Variants in MACROD2 observed in about 807,000 individuals in gnomAD.
MACROD2 encodes the protein mono-ADP ribosylhydrolase 2.
In MACROD2, 36 loss-of-function variants were observed where a neutral mutation model predicts 70.4. That is an observed-to-expected ratio of 0.51 (90% CI 0.39 to 0.68). The LOEUF (loss-of-function observed/expected upper bound fraction) is 0.68, where lower values mean the gene tolerates loss of function less well. MACROD2 is among the 30% of genes least tolerant of loss of function. The pLI is 0.00. For missense variants in MACROD2, 496 were observed against 538.4 expected (o/e 0.92, Z 0.78); for synonymous variants, 172 against 178.8 (o/e 0.96, Z 0.30).
At chr20:16,044,204 A>G (rs752579061) in intron 16 of MACROD2, among the ~76,000 whole-genome samples, 32 of 152,080 alleles carry the variant, frequency 2.1e-4, no homozygotes, top group Non-Finnish European at 1.6e-4. Flanking sequence ...AAGCAAGACT[A>G]GAAGCAACGT....
chr20:15,975,465 CA>C (rs879338411), intron 13 of MACROD2, among the ~76,000 whole-genome samples: 104 of 149,330 alleles, frequency 7.0e-4, no homozygotes, highest in African/African-American at 2.3e-3. Flanking sequence ...TGTTTAATGG[CA>C]AAAAAAAAGT....
chr20:15,698,492 C>T (rs970464823), intron 8 of MACROD2, among the ~76,000 whole-genome samples: 4 of 152,172 alleles, frequency 2.6e-5, no homozygotes, highest in Non-Finnish European at 5.9e-5. Flanking sequence ...GCTGCTGTCT[C>T]ACAGCTCTTA....
At chr20:15,619,466 G>C in intron 8 of MACROD2, 1 of 267,760 alleles carries the variant, frequency 3.7e-6, no homozygotes, top group Non-Finnish European at 7.8e-6. Flanking sequence ...ATCTGGCAGA[G>C]CCCCGGGCAG....
chr20:14,528,674 G>A (rs1014392693), intron 4 of MACROD2, among the ~76,000 whole-genome samples: 2 of 151,710 alleles, frequency 1.3e-5, no homozygotes, highest in African/African-American at 4.8e-5. Flanking sequence ...GGGTTGGGGG[G>A]GCCCAACATT....
chr20:15,010,768 T>C (rs911800103), intron 5 of MACROD2, among the ~76,000 whole-genome samples: 14 of 152,186 alleles, frequency 9.2e-5, no homozygotes, highest in African/African-American at 3.1e-4. Flanking sequence ...CTGTTGTTTG[T>C]TTTGTTTTGT....
intron 7 of MACROD2, among the ~76,000 whole-genome samples, chr20:15,474,130 G>A (rs1449161579): frequency 6.6e-6 from 1 of 152,180 alleles, no homozygotes; most frequent in Admixed American, 6.5e-5. Flanking sequence ...TAAGGCAATT[G>A]AAAACTCTTA....
chr20:15,022,180 A>T (rs964123715), intron 5 of MACROD2, among the ~76,000 whole-genome samples: 8 of 152,060 alleles, frequency 5.3e-5, no homozygotes, highest in African/African-American at 1.9e-4. Context: ...GTTAGCAATT[A>T]TGAAGCTATT....
intron 5 of MACROD2, among the ~76,000 whole-genome samples, chr20:15,034,303 T>C (rs1351845556): frequency 6.6e-6 from 1 of 152,210 alleles, no homozygotes; most frequent in East Asian, 1.9e-4. Context: ...GAGTGTATGG[T>C]ATCATTTTTA....
chr20:15,874,943 G>A (rs1475711188), intron 9 of MACROD2, among the ~76,000 whole-genome samples: 2 of 152,134 alleles, frequency 1.3e-5, no homozygotes, highest in Admixed American at 6.6e-5. Flanking sequence ...AAAATTGAAA[G>A]AGGAAAGCAG....
chr20:14,744,122 G>C (rs1323207023), intron 5 of MACROD2, among the ~76,000 whole-genome samples: 2 of 152,146 alleles, frequency 1.3e-5, no homozygotes, highest in African/African-American at 4.8e-5. Context: ...ATAAATTCGT[G>C]TTGTTTTAAG....
chr20:15,735,183 A>G (rs1232195125), intron 8 of MACROD2, among the ~76,000 whole-genome samples: 1 of 151,492 alleles, frequency 6.6e-6, no homozygotes, highest in Non-Finnish European at 1.5e-5. Flanking sequence ...CTGTCCTTGA[A>G]CTCTTGACCT....
chr20:15,229,392 A>G (rs2076940186), intron 5 of MACROD2, among the ~76,000 whole-genome samples: 1 of 152,226 alleles, frequency 6.6e-6, no homozygotes, highest in Non-Finnish European at 1.5e-5. Context: ...CTATACTTCA[A>G]AATTGGCAGG....
chr20:15,936,665 A>ATG (rs1232616394), intron 11 of MACROD2, among the ~76,000 whole-genome samples: 1,313 of 38,662 alleles, frequency 0.034, 28 homozygotes, highest in African/African-American at 0.061. Context: ...TAATGTGTAT[A>ATG]TGTGTGTATA....
chr20:15,827,386 TAAAG>T (rs1215656407), intron 8 of MACROD2, among the ~76,000 whole-genome samples: 2 of 152,198 alleles, frequency 1.3e-5, no homozygotes, highest in South Asian at 2.1e-4. Context: ...ACACACCTGT[TAAAG>T]AAACAAAATA....
At chr20:15,175,659 CAGAG>C (rs1369757139) in intron 5 of MACROD2, among the ~76,000 whole-genome samples, 1 of 152,068 alleles carries the variant, frequency 6.6e-6, no homozygotes, top group African/African-American at 2.4e-5. Flanking sequence ...ATAGAAATTT[CAGAG>C]AGAGAATTCA....
At chr20:14,612,697 G>A (rs866577703) in intron 4 of MACROD2, among the ~76,000 whole-genome samples, 1 of 151,930 alleles carries the variant, frequency 6.6e-6, no homozygotes, top group Non-Finnish European at 1.5e-5. Context: ...CTATGAGGTC[G>A]GACCTCCCTA....
At chr20:14,507,527 A>G (rs1004807504) in intron 4 of MACROD2, among the ~76,000 whole-genome samples, 2 of 152,174 alleles carry the variant, frequency 1.3e-5, no homozygotes, top group Non-Finnish European at 2.9e-5. Flanking sequence ...GGCCAAGTTA[A>G]TGTTATTTAT....
At chr20:14,288,420 CT>C (rs768080647) in intron 3 of MACROD2, among the ~76,000 whole-genome samples, 6 of 152,106 alleles carry the variant, frequency 3.9e-5, no homozygotes, top group Non-Finnish European at 7.4e-5. Context: ...GAAAAATAAA[CT>C]TTTATTTTGC....
intron 12 of MACROD2, among the ~76,000 whole-genome samples, chr20:15,958,554 C>T (rs2066011287): frequency 6.6e-6 from 1 of 152,134 alleles, no homozygotes; most frequent in African/African-American, 2.4e-5. Context: ...CAAATCTATT[C>T]TGAGGCCTTC....
Sources: allele counts gnomAD v4.1 joint callset (sites outside exome capture counted in the v4.1 genomes callset), GRCh38; gene constraint gnomAD v4.1.1; transcripts MANE v1.5; gene names NCBI Gene and HGNC (gene_info 2026-07-23, HGNC 2026-07-21).